Variants in NIBAN1 observed in about 807,000 individuals in gnomAD.
The protein encoded by NIBAN1 is protein Niban 1.
NIBAN1 carries 81 observed loss-of-function variants against 75.1 expected under a neutral mutation model. The observed-to-expected ratio is 1.08, with a 90% CI of 0.90 to 1.30. The LOEUF is 1.30. Among genes scored for constraint, NIBAN1 ranks in the 50% most tolerant of loss-of-function variants. The pLI is 0.00. For missense variants in NIBAN1, 1,133 were observed against 1,128.1 expected (o/e 1.00, Z -0.06); for synonymous variants, 436 against 424.8 (o/e 1.03, Z -0.32).
chr1:184,914,431 T>C (rs1241295892), intron 1 of NIBAN1, among the ~76,000 whole-genome samples: 1 of 152,222 alleles, frequency 6.6e-6, no homozygotes, highest in African/African-American at 2.4e-5. Flanking sequence ...TGTTGTCTAA[T>C]AGAAATTTTG....
At chr1:184,857,488 T>C (rs983288572) in intron 5 of NIBAN1, among the ~76,000 whole-genome samples, 5 of 152,214 alleles carry the variant, frequency 3.3e-5, no homozygotes, top group African/African-American at 1.2e-4. Flanking sequence ...TATAAATTGA[T>C]TGTAATTAGA....
At chr1:184,872,025 T>C (rs1360166026) in intron 5 of NIBAN1, among the ~76,000 whole-genome samples, 1 of 151,930 alleles carries the variant, frequency 6.6e-6, no homozygotes, top group Non-Finnish European at 1.5e-5. Flanking sequence ...TATGAACTCA[T>C]CATCAAAAAA....
intron 9 of NIBAN1, among the ~76,000 whole-genome samples, 171 bp from the exon 10 acceptor site, chr1:184,808,406 T>G (rs778949330): frequency 6.6e-6 from 1 of 152,174 alleles, no homozygotes; most frequent in Non-Finnish European, 1.5e-5. Context: ...CCTCCTGCAG[T>G]GGGTTCCTAG....
chr1:184,878,782 G>A lies in NIBAN1; in HGVS notation c.601+5851C>T, dbSNP rs558459369. ...CATGATATCTACAACTGAAACAGAC[G>A]TCAAAGGCCAGGTATTGGGACAACT... On this transcript the variant is annotated intron_variant, in intron 5 of 13. Transcript: ENST00000367511. Among the ~76,000 whole-genome samples, 6 of 152,308 alleles carry A rather than the reference G, an allele frequency of 3.9e-5. No homozygotes were observed. In the South Asian group the frequency reaches 1.2e-3, roughly 32 times the overall value.
chr1:184,940,705 C>A (rs1658068262), intron 1 of NIBAN1, among the ~76,000 whole-genome samples: 1 of 152,120 alleles, frequency 6.6e-6, no homozygotes, highest in Non-Finnish European at 1.5e-5. Flanking sequence ...TCAAGCAAAC[C>A]ACTTGCATAA....
chr1:184,922,866 C>T (rs1657595498), intron 1 of NIBAN1, among the ~76,000 whole-genome samples: 2 of 152,214 alleles, frequency 1.3e-5, no homozygotes, highest in African/African-American at 4.8e-5. Context: ...TTCGGCCTCC[C>T]AAACTGCTGG....
intron 1 of NIBAN1, among the ~76,000 whole-genome samples, chr1:184,943,897 A>C (rs1485389405): frequency 6.6e-6 from 1 of 152,188 alleles, no homozygotes; most frequent in Non-Finnish European, 1.5e-5. Context: ...TACAACCGAA[A>C]GGGAAAAAAT....
chr1:184,908,976 G>A (rs1385100183), intron 1 of NIBAN1, among the ~76,000 whole-genome samples: 1 of 152,156 alleles, frequency 6.6e-6, no homozygotes, highest in African/African-American at 2.4e-5. Context: ...TTGCCCATTA[G>A]ACAACCTTTC....
At chr1:184,912,618 G>A (rs898431630) in intron 1 of NIBAN1, among the ~76,000 whole-genome samples, 4 of 151,868 alleles carry the variant, frequency 2.6e-5, no homozygotes, top group South Asian at 2.1e-4. Flanking sequence ...TGGCCATTGC[G>A]GTTTCTTATC....
At chr1:184,963,986 T>C (rs1216755561) in intron 1 of NIBAN1, among the ~76,000 whole-genome samples, 3 of 151,264 alleles carry the variant, frequency 2.0e-5, no homozygotes, top group South Asian at 2.1e-4. Context: ...AGATTTATCA[T>C]AGAGCAATAA....
intron 1 of NIBAN1, among the ~76,000 whole-genome samples, chr1:184,947,147 C>T (rs1282021977): frequency 6.6e-6 from 1 of 152,062 alleles, no homozygotes; most frequent in Non-Finnish European, 1.5e-5. Flanking sequence ...GACATGTAGT[C>T]CAAGTCTTTG....
At chr1:184,869,861 A>C (rs1656057269) in intron 5 of NIBAN1, among the ~76,000 whole-genome samples, 1 of 152,078 alleles carries the variant, frequency 6.6e-6, no homozygotes, top group African/African-American at 2.4e-5. Flanking sequence ...CCACTTTTTT[A>C]TTGTGCTGTT....
chr1:184,914,205 C>A (rs560538002), intron 1 of NIBAN1, among the ~76,000 whole-genome samples: 51 of 152,160 alleles, frequency 3.4e-4, no homozygotes, highest in Non-Finnish European at 5.9e-4. Context: ...GGTTCCACTA[C>A]GTATTAATTA....
At chr1:184,842,072 A>G (rs1655301423) in intron 5 of NIBAN1, among the ~76,000 whole-genome samples, 1 of 152,238 alleles carries the variant, frequency 6.6e-6, no homozygotes, top group Non-Finnish European at 1.5e-5. Flanking sequence ...AAAGAAAACC[A>G]GCACTAGAAG....
At chr1:184,804,784 G>GT (rs1214730177) in intron 11 of NIBAN1, among the ~76,000 whole-genome samples, 4 of 123,754 alleles carry the variant, frequency 3.2e-5, no homozygotes, top group Admixed American at 8.1e-5. Context: ...TTTTTTTTTT[G>GT]TTTTTTTGTT....
At chr1:184,957,182 G>A (rs7515930) in intron 1 of NIBAN1, among the ~76,000 whole-genome samples, 73,896 of 152,048 alleles carry the variant, frequency 0.49, 19,370 homozygotes, top group Non-Finnish European at 0.59. Flanking sequence ...AGTGTGAGCT[G>A]GCTCCTAGCA....
At chr1:184,904,845 G>A (rs552863325) in intron 1 of NIBAN1, among the ~76,000 whole-genome samples, 1 of 152,200 alleles carries the variant, frequency 6.6e-6, no homozygotes, top group East Asian at 1.9e-4. Flanking sequence ...CAGCTACTTG[G>A]GAGGCTGAGG....
At position 184,887,935 on chromosome 1, in the gene NIBAN1, C is replaced by T. The variant is rs529867333; in HGVS notation, c.433+2173G>A. 18 of 152,338 alleles carry T rather than the reference C, an allele frequency of 1.2e-4. No individual in the cohort carries two copies. In the South Asian group the frequency reaches 2.7e-3, roughly 23 times the overall value. The allele number at this position is 152,338 out of a possible 1,614,324, so 9.4% of individuals were successfully genotyped here. On this transcript the variant is annotated intron_variant, in intron 4 of 13. Coordinates refer to ENST00000367511, the MANE Select transcript of NIBAN1 (RefSeq NM_052966.4). ...CCTATAATCCCAGCACTTTGGGAGG[C>T]CAAGGCAGGAGGGTCACTTGAGCTC...
intron 5 of NIBAN1, among the ~76,000 whole-genome samples, chr1:184,863,454 G>T (rs1041934123): frequency 2.0e-5 from 3 of 151,872 alleles, no homozygotes; most frequent in Non-Finnish European, 2.9e-5. Context: ...AGTTTTTTTT[G>T]TTTGTTTGTT....
Sources: gnomAD v4.1 joint callset for allele counts (sites outside exome capture counted in the v4.1 genomes callset) on GRCh38, gnomAD v4.1.1 for gene constraint, MANE v1.5 for transcripts, NCBI Gene and HGNC (gene_info 2026-07-23, HGNC 2026-07-21) for gene names.